ATP9B: variants seen among roughly 807,000 people sequenced by gnomAD.
The protein encoded by ATP9B is ATPase phospholipid transporting 9B, also known as probable phospholipid-transporting ATPase IIB.
ATP9B carries 110 observed loss-of-function variants against 146.1 expected under a neutral mutation model. The ratio of observed to expected loss-of-function variants is 0.75; its 90% CI spans 0.65 to 0.88. The LOEUF is 0.88. Among genes scored for constraint, ATP9B ranks in the 40% least tolerant of loss-of-function variants. The pLI, the probability that ATP9B is intolerant of heterozygous loss-of-function variation, is 0.00. For missense variants in ATP9B, 1,499 were observed against 1,496.4 expected (o/e 1.00, Z -0.03); for synonymous variants, 604 against 569.7 (o/e 1.06, Z -0.86).
intron 6 of ATP9B, among the ~76,000 whole-genome samples, chr18:79,151,535 T>C (rs2094689107): frequency 6.6e-6 from 1 of 152,016 alleles, no homozygotes; most frequent in Non-Finnish European, 1.5e-5. Flanking sequence ...CATCCACACA[T>C]TGCTGTTGCA....
intron 15 of ATP9B, among the ~76,000 whole-genome samples, chr18:79,324,341 T>A (rs1365931998): frequency 6.6e-6 from 1 of 152,224 alleles, no homozygotes; most frequent in East Asian, 1.9e-4. Context: ...TTGCTTTGGT[T>A]GCCTGTGCTT....
At chr18:79,341,264 G>A (rs555316561) in intron 19 of ATP9B, among the ~76,000 whole-genome samples, 11 of 146,936 alleles carry the variant, frequency 7.5e-5, no homozygotes, top group East Asian at 4.1e-4. Context: ...TGTGTGTAGC[G>A]TGACCTCGTC....
chr18:79,183,504 C>A (rs2095272725), intron 8 of ATP9B, among the ~76,000 whole-genome samples: 1 of 151,958 alleles, frequency 6.6e-6, no homozygotes, highest in South Asian at 2.1e-4. Context: ...TTTTTATTTT[C>A]TAAGTCTGTT....
rs547650786 is a variant in ATP9B, at chr18:79,140,166, G to A, written c.668-3636G>A. On this transcript the variant is annotated intron_variant, in intron 5 of 29. Coordinates refer to ENST00000426216, the MANE Select transcript of ATP9B (RefSeq NM_198531.5). ...GGGAGCAAGTGCTGGGAGCTTCTGCGAGTAAGTGGAGGGACGAGGTTCCCG... is the reference window on the plus strand; with the variant it reads ...GGGAGCAAGTGCTGGGAGCTTCTGCAAGTAAGTGGAGGGACGAGGTTCCCG... 7.2e-5 allele frequency among the ~76,000 whole-genome samples: 11 copies of A among 152,264 alleles called. No individual in the cohort carries two copies. In the East Asian group the frequency reaches 1.2e-3, roughly 16 times the overall value.
intron 13 of ATP9B, among the ~76,000 whole-genome samples, chr18:79,279,737 A>C (rs1243021252): frequency 2.0e-5 from 3 of 152,252 alleles, no homozygotes; most frequent in Non-Finnish European, 4.4e-5. Flanking sequence ...CTTAAGACCG[A>C]AATACATAGG....
intron 8 of ATP9B, among the ~76,000 whole-genome samples, chr18:79,180,241 C>T (rs576493006): frequency 2.3e-4 from 35 of 152,098 alleles, no homozygotes; most frequent in African/African-American, 7.7e-4. Context: ...TTACAGTAAT[C>T]GTTAATGTGG....
At chr18:79,131,054 A>G (rs986474715) in intron 5 of ATP9B, among the ~76,000 whole-genome samples, 3 of 152,130 alleles carry the variant, frequency 2.0e-5, no homozygotes, top group Admixed American at 2.0e-4. Context: ...CCAGTTAGTC[A>G]GGAGGCTGAG....
intron 25 of ATP9B, among the ~76,000 whole-genome samples, chr18:79,351,823 AGGGGGAT>A (rs1270937929): frequency 7.8e-6 from 1 of 127,754 alleles, no homozygotes; most frequent in Non-Finnish European, 1.6e-5. Flanking sequence ...GGGGAAGCCT[AGGGGGAT>A]GGGGGATGGG....
At chr18:79,264,683 TG>T (rs2096183107) in intron 12 of ATP9B, among the ~76,000 whole-genome samples, 4 of 151,522 alleles carry the variant, frequency 2.6e-5, no homozygotes, top group Non-Finnish European at 4.4e-5. Context: ...TTTTTTTTTT[TG>T]ATATATATGG....
chr18:79,150,976 A>G (rs766368121), intron 6 of ATP9B, among the ~76,000 whole-genome samples: 8 of 152,196 alleles, frequency 5.3e-5, no homozygotes, highest in Non-Finnish European at 1.2e-4. Context: ...AAGACAGTTC[A>G]TGCCCATGGT....
intron 15 of ATP9B, among the ~76,000 whole-genome samples, chr18:79,320,232 G>A (rs2096707701): frequency 6.6e-6 from 1 of 152,234 alleles, no homozygotes; most frequent in Admixed American, 6.5e-5. Flanking sequence ...ACCTGTGTGG[G>A]GAACTGAGGT....
chr18:79,136,325 T>G (rs2094447206), intron 5 of ATP9B, among the ~76,000 whole-genome samples: 1 of 152,354 alleles, frequency 6.6e-6, no homozygotes, highest in South Asian at 2.1e-4. Flanking sequence ...TTTAAAATTT[T>G]TTTCTCAGCA....
At chr18:79,304,135 T>C (rs1243127569) in intron 14 of ATP9B, among the ~76,000 whole-genome samples, 1 of 152,182 alleles carries the variant, frequency 6.6e-6, no homozygotes, top group Admixed American at 6.5e-5. Context: ...CACCATCGTG[T>C]TGGGAATCTC....
At chr18:79,178,813 T>A (rs540941371) in intron 8 of ATP9B, among the ~76,000 whole-genome samples, 39 of 152,362 alleles carry the variant, frequency 2.6e-4, no homozygotes, top group African/African-American at 6.7e-4. Flanking sequence ...ATGAAACATA[T>A]GGATCTGTAT....
At chr18:79,238,161 C>T (rs900251373) in intron 11 of ATP9B, among the ~76,000 whole-genome samples, 1 of 151,792 alleles carries the variant, frequency 6.6e-6, no homozygotes, top group African/African-American at 2.4e-5. Flanking sequence ...AGTTCATATA[C>T]TCTGCATTTT....
chr18:79,248,954 A>G (rs569503371), intron 11 of ATP9B, among the ~76,000 whole-genome samples: 9 of 152,140 alleles, frequency 5.9e-5, no homozygotes, highest in African/African-American at 2.2e-4. Flanking sequence ...GTCTGCTCCA[A>G]TTTGCCGTGT....
chr18:79,306,659 A>G (rs2096621866), intron 14 of ATP9B, among the ~76,000 whole-genome samples: 1 of 152,246 alleles, frequency 6.6e-6, no homozygotes. Context: ...CTCTGCTTTT[A>G]GAAGTCATGA....
At chr18:79,252,753 C>T (rs2096039638) in intron 11 of ATP9B, among the ~76,000 whole-genome samples, 1 of 150,634 alleles carries the variant, frequency 6.6e-6, no homozygotes, top group Non-Finnish European at 1.5e-5. Flanking sequence ...AATGTAAGAT[C>T]TGTGCAAATT....
chr18:79,325,801 G>A (rs1427373952), intron 15 of ATP9B, among the ~76,000 whole-genome samples: 2 of 152,184 alleles, frequency 1.3e-5, no homozygotes, highest in African/African-American at 2.4e-5. Context: ...TCCAGAGCCA[G>A]AAGAGACATG....
Sources: allele counts gnomAD v4.1 joint callset (sites outside exome capture counted in the v4.1 genomes callset), GRCh38; gene constraint gnomAD v4.1.1; transcripts MANE v1.5; gene names NCBI Gene and HGNC (gene_info 2026-07-23, HGNC 2026-07-21).